TNRC6A: variants seen among roughly 807,000 people sequenced by gnomAD.
TNRC6A encodes the protein trinucleotide repeat-containing gene 6A protein.
TNRC6A carries 44 observed loss-of-function variants against 221.2 expected under a neutral mutation model. That is an observed-to-expected ratio of 0.20 (90% CI 0.16 to 0.26). The LOEUF is 0.26. Ranked by LOEUF, TNRC6A falls within the 10% of genes least tolerant of loss-of-function variation. The pLI is 1.00. For missense variants in TNRC6A, 2,199 were observed against 2,404.4 expected, an observed-to-expected ratio of 0.91 and a Z score of 1.79; for synonymous variants, 847 against 838.5, an observed-to-expected ratio of 1.01 and a Z score of -0.18.
intron 21 of TNRC6A, 147 bp downstream of exon 21, chr16:24,818,847 A>T (rs2058708231): frequency 2.9e-6 from 2 of 683,124 alleles, no homozygotes; most frequent in Non-Finnish European, 2.6e-6. Flanking sequence ...AACATCCCTT[A>T]CTCCTTTTTA....
chr16:24,811,556 A>G (rs1230503717), intron 18 of TNRC6A, among the ~76,000 whole-genome samples: 1 of 152,152 alleles, frequency 6.6e-6, no homozygotes. Flanking sequence ...ACGATGAGAG[A>G]TGGAGCGGGG....
chr16:24,632,790 C>T (rs1197457966), intron 1 of TNRC6A, among the ~76,000 whole-genome samples: 1 of 152,084 alleles, frequency 6.6e-6, no homozygotes, highest in Non-Finnish European at 1.5e-5. Context: ...GGGCAGATCA[C>T]CTGAGGTCAG....
rs372314078 is a variant in TNRC6A, at chr16:24,752,839, G to C, written c.141+2026G>C. 3.3e-5 allele frequency among the ~76,000 whole-genome samples: 5 copies of C among 152,270 alleles called. No homozygotes were observed. In the East Asian group the frequency reaches 7.7e-4, roughly 23 times the overall value. Reference sequence around the variant, plus strand: ...TGGTCCCTGTGTCTAAGGAGTTCAAGAATTAGCTGATAAGTCAGAATGTAT... The same window carrying C: ...TGGTCCCTGTGTCTAAGGAGTTCAACAATTAGCTGATAAGTCAGAATGTAT... On this transcript the variant is annotated intron_variant, in intron 3 of 24. Coordinates refer to ENST00000395799, the MANE Select transcript of TNRC6A (RefSeq NM_014494.4).
chr16:24,752,879 G>A (rs1482621005), intron 3 of TNRC6A, among the ~76,000 whole-genome samples: 1 of 152,174 alleles, frequency 6.6e-6, no homozygotes, highest in Non-Finnish European at 1.5e-5. Flanking sequence ...AATGGCTAGA[G>A]AAGAGGCCTA....
intron 18 of TNRC6A, among the ~76,000 whole-genome samples, chr16:24,812,935 G>GCA (rs202171590): frequency 0.013 from 1,915 of 143,484 alleles, 16 homozygotes; most frequent in South Asian, 0.023. Flanking sequence ...GAGTGCAGTG[G>GCA]CACAATCTCA....
intron 18 of TNRC6A, among the ~76,000 whole-genome samples, chr16:24,814,403 T>C (rs1475017289): frequency 1.5e-5 from 2 of 136,938 alleles, no homozygotes; most frequent in African/African-American, 6.1e-5. Flanking sequence ...CTTTTCTTTT[T>C]TTTTTCTTTT....
At chr16:24,749,487 T>TG in intron 2 of TNRC6A, among the ~76,000 whole-genome samples, 1 of 152,230 alleles carries the variant, frequency 6.6e-6, no homozygotes, top group South Asian at 2.1e-4. Context: ...GGCATCTGGA[T>TG]GGGAAGTGGG....
At chr16:24,760,154 A>C (rs543526219) in intron 4 of TNRC6A, among the ~76,000 whole-genome samples, 2 of 151,970 alleles carry the variant, frequency 1.3e-5, no homozygotes, top group East Asian at 3.9e-4. Flanking sequence ...TTTTTATTCA[A>C]TTTATCAGCC....
chr16:24,815,486 C>A, intron 19 of TNRC6A, 181 bp downstream of exon 19: 1 of 678,418 alleles, frequency 1.5e-6, no homozygotes, highest in Non-Finnish European at 2.6e-6. Context: ...GTGAGTGTGT[C>A]AGCCTGTTAC....
intron 2 of TNRC6A, among the ~76,000 whole-genome samples, chr16:24,743,113 G>C (rs1324086034): frequency 6.6e-6 from 1 of 152,096 alleles, no homozygotes; most frequent in African/African-American, 2.4e-5. Flanking sequence ...TGTACCATCT[G>C]ACAAGTCATT....
chr16:24,648,513 A>G (rs559227257), intron 2 of TNRC6A, among the ~76,000 whole-genome samples: 210 of 151,594 alleles, frequency 1.4e-3, no homozygotes, highest in Middle Eastern at 3.4e-3. Flanking sequence ...CTCATGATTC[A>G]CCCGCCTTGG....
At chr16:24,615,240 T>C (rs180879638) in intron 1 of TNRC6A, among the ~76,000 whole-genome samples, 7 of 152,098 alleles carry the variant, frequency 4.6e-5, no homozygotes, top group Admixed American at 3.9e-4. Context: ...TAATTCCATG[T>C]ACTAAGATGG....
At chr16:24,803,400 C>G (rs1258436127) in intron 11 of TNRC6A, 2 of 151,434 alleles carry the variant, frequency 1.3e-5, no homozygotes, top group Non-Finnish European at 2.9e-5. Context: ...GCCTGGGCTA[C>G]AGAGTGAGAC....
chr16:24,748,556 CTT>C (rs889834859), intron 2 of TNRC6A, among the ~76,000 whole-genome samples: 2 of 152,170 alleles, frequency 1.3e-5, no homozygotes, highest in Non-Finnish European at 2.9e-5. Flanking sequence ...TTATCATACT[CTT>C]CTTCCAGTTA....
chr16:24,667,649 C>A (rs1253037097), intron 2 of TNRC6A, among the ~76,000 whole-genome samples: 1 of 152,144 alleles, frequency 6.6e-6, no homozygotes. Context: ...ATAGTATTAC[C>A]TACCCCCCAG....
chr16:24,639,586 T>C (rs1901825009), intron 1 of TNRC6A, among the ~76,000 whole-genome samples: 1 of 152,218 alleles, frequency 6.6e-6, no homozygotes, highest in African/African-American at 2.4e-5. Context: ...GCTTTCAATC[T>C]TTTCATCATT....
In TNRC6A at chr16:24,823,515, T is replaced by C; in HGVS notation, c.5597T>C (p.Leu1866Pro). The C allele has an allele frequency of 6.2e-7, 1 of 1,614,190 alleles. No homozygotes were observed. The highest frequency in any genetic ancestry group is 8.5e-7 in the Non-Finnish European group (1 of 1,180,024). The change falls in exon 25 of 25, where the codon CTG (leucine) becomes CCG (proline). Residue 1866 changes from leucine (L) to proline (P), a missense_variant. Leu to Pro is a moderately conservative substitution (Grantham distance 98, BLOSUM62 -3). Transcript: ENST00000395799. The surrounding 1 kb of genome is among the most constrained non-coding windows in gnomAD (Gnocchi z 4.3). Reference sequence around the variant, plus strand: ...CGTTTCTTTGCACAAAGCCAGTCTCTGACCCCTTCTCCCGGCTGGCAGTCT... The same window carrying C: ...CGTTTCTTTGCACAAAGCCAGTCTCCGACCCCTTCTCCCGGCTGGCAGTCT... ...ISRFFAQSQSLTPSPGWQSLG... is the reference protein window; with the variant it reads ...ISRFFAQSQSPTPSPGWQSLG...
At chr16:24,628,458 G>A (rs1901154710) in intron 1 of TNRC6A, among the ~76,000 whole-genome samples, 1 of 151,894 alleles carries the variant, frequency 6.6e-6, no homozygotes, top group Non-Finnish European at 1.5e-5. Context: ...TATACCAAGT[G>A]TGCCTGCCTC....
At chr16:24,795,345 C>T (rs369498244) in intron 8 of TNRC6A, among the ~76,000 whole-genome samples, 1 of 152,172 alleles carries the variant, frequency 6.6e-6, no homozygotes, top group African/African-American at 2.4e-5. Context: ...CCTAAAGAAA[C>T]TCCTCAAATG....
Sources: gnomAD v4.1 joint callset for allele counts (sites outside exome capture counted in the v4.1 genomes callset) on GRCh38, gnomAD v4.1.1 for gene constraint, Gnocchi (gnomAD v3.1) non-coding constraint, MANE v1.5 for transcripts, NCBI Gene and HGNC (gene_info 2026-07-23, HGNC 2026-07-21) for gene names.